The following CYP20A1 variants were observed in gnomAD, a reference collection of about 807,000 sequenced individuals.
CYP20A1 encodes cytochrome P450 family 20 subfamily A member 1, also known as cytochrome P450 20A1.
A neutral mutation model predicts 61.4 loss-of-function variants in CYP20A1; 61 were observed. The ratio of observed to expected loss-of-function variants is 0.99; its 90% CI spans 0.81 to 1.23. CYP20A1 has a LOEUF of 1.23. Ranked by LOEUF, CYP20A1 falls within the 50% of genes most tolerant of loss-of-function variation. The pLI, the probability that CYP20A1 is intolerant of heterozygous loss-of-function variation, is 0.00. For synonymous variants in CYP20A1, 193 were observed against 188.2 expected, an observed-to-expected ratio of 1.03 and a Z score of -0.21; for missense variants, 530 against 542.4, an observed-to-expected ratio of 0.98 and a Z score of 0.23.
At chr2:203,266,709 C>T (rs1479679547) in intron 5 of CYP20A1, 28 bp downstream of exon 5, 3 of 1,603,134 alleles carry the variant, frequency 1.9e-6, no homozygotes, top group Admixed American at 3.3e-5. Context: ...TTTAAAATTA[C>T]TCTTTCAGGC....
At chr2:203,241,881 G>T (rs901991583) in intron 1 of CYP20A1, among the ~76,000 whole-genome samples, 1 of 151,994 alleles carries the variant, frequency 6.6e-6, no homozygotes, top group African/African-American at 2.4e-5. Flanking sequence ...TCGCTCTGTC[G>T]CCCAGGCTGG....
At chr2:203,293,782 G>T (rs573599338) in intron 11 of CYP20A1, among the ~76,000 whole-genome samples, 1 of 151,946 alleles carries the variant, frequency 6.6e-6, no homozygotes, top group South Asian at 2.1e-4. Context: ...TAGCTCCCAA[G>T]AATTTCCCTT....
chr2:203,293,207 T>C (rs1397708743), intron 11 of CYP20A1, among the ~76,000 whole-genome samples: 1 of 103,762 alleles, frequency 9.6e-6, no homozygotes, highest in Non-Finnish European at 1.8e-5. Flanking sequence ...AAAAGCAGAA[T>C]TTCTCTCTCT....
intron 5 of CYP20A1, among the ~76,000 whole-genome samples, chr2:203,271,082 A>AT (rs1161241853): frequency 2.5e-4 from 8 of 31,642 alleles, no homozygotes; most frequent in South Asian, 5.3e-3. Flanking sequence ...ATATATATAT[A>AT]TTTTTTTTTT....
At chr2:203,249,190 T>C (rs573756324) in intron 3 of CYP20A1, among the ~76,000 whole-genome samples, 17 of 152,330 alleles carry the variant, frequency 1.1e-4, no homozygotes, top group Admixed American at 1.0e-3. Context: ...GATAAATCTG[T>C]CTACATAAAA....
At chr2:203,272,012 G>A (rs573633342) in intron 5 of CYP20A1, among the ~76,000 whole-genome samples, 33 of 152,294 alleles carry the variant, frequency 2.2e-4, no homozygotes, top group Admixed American at 6.5e-4. Flanking sequence ...AGGCAACACA[G>A]TGAGACTCTG....
chr2:203,287,265 A>G (rs2068320304), intron 9 of CYP20A1, among the ~76,000 whole-genome samples: 1 of 151,162 alleles, frequency 6.6e-6, no homozygotes, highest in Non-Finnish European at 1.5e-5. Context: ...GGAAAGAACT[A>G]GGAGGCTTTT....
intron 7 of CYP20A1, among the ~76,000 whole-genome samples, chr2:203,279,314 C>CTT (rs1367072029): frequency 6.6e-6 from 1 of 152,084 alleles, no homozygotes; most frequent in Non-Finnish European, 1.5e-5. Flanking sequence ...AGTACTTGGT[C>CTT]TCTATTATTT....
intron 7 of CYP20A1, among the ~76,000 whole-genome samples, chr2:203,279,428 T>C (rs2067956600): frequency 6.6e-6 from 1 of 152,208 alleles, no homozygotes; most frequent in African/African-American, 2.4e-5. Context: ...TTAGACTAAA[T>C]CACTTTGCCT....
At chr2:203,267,874 G>A (rs1419267291) in intron 5 of CYP20A1, among the ~76,000 whole-genome samples, 10 of 150,338 alleles carry the variant, frequency 6.7e-5, no homozygotes, top group African/African-American at 9.7e-5. Context: ...CGATCTCACC[G>A]CTGTTTCCAG....
chr2:203,262,209 A>G (rs1488308298), intron 4 of CYP20A1, among the ~76,000 whole-genome samples: 3 of 152,082 alleles, frequency 2.0e-5, no homozygotes, highest in Admixed American at 1.3e-4. Context: ...CGATTTTTAT[A>G]TTATTTTATT....
intron 1 of CYP20A1, among the ~76,000 whole-genome samples, chr2:203,244,893 C>T (rs1196165476): frequency 2.0e-5 from 3 of 151,944 alleles, no homozygotes; most frequent in Non-Finnish European, 4.4e-5. Context: ...CCACAACGCC[C>T]TGCTAATTTT....
chr2:203,247,484 G>C (rs1018940801), intron 3 of CYP20A1, among the ~76,000 whole-genome samples: 2 of 151,764 alleles, frequency 1.3e-5, no homozygotes, highest in African/African-American at 4.8e-5. Flanking sequence ...ATTTTTTTGG[G>C]ACCCTGAAAA....
chr2:203,276,010 G>T (rs764367752), intron 6 of CYP20A1, among the ~76,000 whole-genome samples: 1 of 152,170 alleles, frequency 6.6e-6, no homozygotes, highest in Non-Finnish European at 1.5e-5. Flanking sequence ...GCAATTTTAA[G>T]TAATTATTAG....
At position 203,297,726 on chromosome 2, in the gene CYP20A1, C is replaced by T. The variant is rs2068871588; in HGVS notation, c.*818C>T. ...GGTGCGGTGGCTCACCCCTGTAATC[C>T]CAGTACTTTGGGAGGCTGAGGCGGG... is the stretch of plus-strand genomic sequence containing the variant. On this transcript the variant is annotated 3_prime_UTR_variant, in exon 13 of 13. Transcript: ENST00000356079. 1 of 152,088 alleles carries T rather than the reference C, an allele frequency of 6.6e-6. No homozygotes were observed. The highest frequency in any genetic ancestry group is 2.1e-4 in the South Asian group (1 of 4,812). 9.4% of individuals were successfully genotyped at this position (152,088 alleles called of 1,614,324 possible).
chr2:203,288,562 A>T (rs1231943532), intron 9 of CYP20A1, among the ~76,000 whole-genome samples: 1 of 152,118 alleles, frequency 6.6e-6, no homozygotes, highest in Non-Finnish European at 1.5e-5. Flanking sequence ...TTATTGTTGT[A>T]GCTCAGTATC....
intron 11 of CYP20A1, among the ~76,000 whole-genome samples, chr2:203,293,094 A>T (rs1342410125): frequency 1.3e-4 from 19 of 151,546 alleles, no homozygotes; most frequent in Non-Finnish European, 2.4e-4. Flanking sequence ...GAATCACTTG[A>T]ACCTGGGAGG....
At position 203,303,201 on chromosome 2, in the gene CYP20A1, C is replaced by A. The variant is rs1280338402; in HGVS notation, c.*6293C>A. On this transcript the variant is annotated 3_prime_UTR_variant, in exon 13 of 13. Coordinates refer to ENST00000356079, the MANE Select transcript of CYP20A1 (RefSeq NM_177538.3). ...TTTTTTTTTAGTAGAGACAGGGTTTCACCATGTTGGCCAGGCTGGTCTTGA... is the reference window on the plus strand; with the variant it reads ...TTTTTTTTTAGTAGAGACAGGGTTTAACCATGTTGGCCAGGCTGGTCTTGA... 6.6e-6 allele frequency among the ~76,000 whole-genome samples: 1 copy of A among 150,900 alleles called. No individual in the cohort carries two copies. The highest frequency in any genetic ancestry group is 2.4e-5 in the African/African-American group (1 of 41,060).
At chr2:203,244,469 G>A (rs2066378553) in intron 1 of CYP20A1, among the ~76,000 whole-genome samples, 1 of 151,950 alleles carries the variant, frequency 6.6e-6, no homozygotes, top group African/African-American at 2.4e-5. Flanking sequence ...AAAGTGCTGG[G>A]ATTACAGGCA....
Sources: allele counts gnomAD v4.1 joint callset (sites outside exome capture counted in the v4.1 genomes callset), GRCh38; gene constraint gnomAD v4.1.1; transcripts MANE v1.5; gene names NCBI Gene and HGNC (gene_info 2026-07-23, HGNC 2026-07-21).